The following MITF variants were observed in gnomAD, a reference collection of about 807,000 sequenced individuals.
The protein encoded by MITF is melanocyte inducing transcription factor, also known as microphthalmia-associated transcription factor.
In MITF, 17 loss-of-function variants were observed where a neutral mutation model predicts 60.5. The observed-to-expected ratio is 0.28, with a 90% confidence interval of 0.19 to 0.42. MITF has a LOEUF of 0.42. Among genes scored for constraint, MITF ranks in the 10% least tolerant of loss-of-function variants. MITF has a pLI of 1.00. For missense variants in MITF, 622 were observed against 683.5 expected, an observed-to-expected ratio of 0.91 and a Z score of 1.00; for synonymous variants, 260 against 248.5, an observed-to-expected ratio of 1.05 and a Z score of -0.43.
chr3:69,815,078 G>T (rs1412491853), intron 1 of MITF, among the ~76,000 whole-genome samples: 1 of 152,122 alleles, frequency 6.6e-6, no homozygotes, highest in Non-Finnish European at 1.5e-5. Flanking sequence ...GTGGGGCCCA[G>T]GGCCTCAGGC....
intron 1 of MITF, among the ~76,000 whole-genome samples, chr3:69,814,039 T>G (rs2063142326): frequency 6.6e-6 from 1 of 152,042 alleles, no homozygotes; most frequent in African/African-American, 2.4e-5. Flanking sequence ...TCATGGGAAC[T>G]AGGGAAAACA....
intron 9 of MITF, among the ~76,000 whole-genome samples, chr3:69,961,355 C>G (rs2066540419): frequency 6.7e-6 from 1 of 149,932 alleles, no homozygotes. Flanking sequence ...GCATTCCAGC[C>G]TAGGCGACAG....
intron 1 of MITF, among the ~76,000 whole-genome samples, chr3:69,828,648 T>A (rs1186626465): frequency 6.6e-6 from 1 of 152,094 alleles, no homozygotes; most frequent in African/African-American, 2.4e-5. Context: ...GGTATTTTGA[T>A]ATATAAAATG....
chr3:69,823,369 C>A (rs1005719474), intron 1 of MITF, among the ~76,000 whole-genome samples: 1 of 152,136 alleles, frequency 6.6e-6, no homozygotes, highest in Non-Finnish European at 1.5e-5. Flanking sequence ...AAGTTCAGAT[C>A]AAGGTGCTGG....
intron 1 of MITF, among the ~76,000 whole-genome samples, chr3:69,868,710 C>T (rs2064163544): frequency 6.6e-6 from 1 of 151,960 alleles, no homozygotes; most frequent in East Asian, 1.9e-4. Flanking sequence ...ACCAGCCTGG[C>T]CAACATGATG....
At chr3:69,886,264 C>T (rs2064615136) in intron 2 of MITF, among the ~76,000 whole-genome samples, 1 of 152,134 alleles carries the variant, frequency 6.6e-6, no homozygotes, top group Non-Finnish European at 1.5e-5. Flanking sequence ...GAACGTGACA[C>T]TACCTGAAGC....
At chr3:69,953,168 C>G (rs565157838) in intron 7 of MITF, among the ~76,000 whole-genome samples, 1 of 152,262 alleles carries the variant, frequency 6.6e-6, no homozygotes, top group African/African-American at 2.4e-5. Flanking sequence ...AAGAGATAAA[C>G]TATTATCTCC....
intron 1 of MITF, among the ~76,000 whole-genome samples, chr3:69,741,363 C>T (rs972223843): frequency 1.3e-5 from 2 of 152,060 alleles, no homozygotes; most frequent in African/African-American, 4.8e-5. Context: ...TGTGTGGAAT[C>T]CTGAAAGAAA....
chr3:69,853,315 T>C (rs934571075), intron 1 of MITF, among the ~76,000 whole-genome samples: 2 of 152,162 alleles, frequency 1.3e-5, no homozygotes, highest in East Asian at 3.8e-4. Flanking sequence ...CTGACCCTGG[T>C]GGTACCTTAG....
At chr3:69,884,239 G>A (rs1328450248) in intron 2 of MITF, among the ~76,000 whole-genome samples, 4 of 152,132 alleles carry the variant, frequency 2.6e-5, no homozygotes, top group Admixed American at 6.6e-5. Flanking sequence ...TGGAAGGAAC[G>A]ACTGTTAACA....
chr3:69,789,819 G>A (rs1485982490), intron 1 of MITF, among the ~76,000 whole-genome samples: 2 of 152,140 alleles, frequency 1.3e-5, no homozygotes, highest in Non-Finnish European at 2.9e-5. Context: ...TCGCACCACT[G>A]CACTGCAGCC....
chr3:69,759,354 C>T (rs1413760145), intron 1 of MITF, among the ~76,000 whole-genome samples: 1 of 152,152 alleles, frequency 6.6e-6, no homozygotes, highest in African/African-American at 2.4e-5. Context: ...AACAAAAACA[C>T]ACAAAAGTGC....
At chr3:69,760,780 GTT>G (rs2062200321) in intron 1 of MITF, among the ~76,000 whole-genome samples, 1 of 152,146 alleles carries the variant, frequency 6.6e-6, no homozygotes, top group South Asian at 2.1e-4. Context: ...GGTGTAGGCA[GTT>G]TTTGAGGTAA....
intron 3 of MITF, 66 bp downstream of exon 3, chr3:69,938,115 C>A: frequency 6.6e-7 from 1 of 1,506,910 alleles, no homozygotes; most frequent in Non-Finnish European, 9.2e-7. Context: ...GAATATGATT[C>A]CCACACTTAA....
chr3:69,939,672 T>A (rs954298973), intron 4 of MITF, among the ~76,000 whole-genome samples: 1 of 152,144 alleles, frequency 6.6e-6, no homozygotes, highest in Admixed American at 6.5e-5. Context: ...GATATATAAA[T>A]TATGCTATAT....
chr3:69,903,202 T>C (rs2065030275), intron 2 of MITF, among the ~76,000 whole-genome samples: 1 of 152,216 alleles, frequency 6.6e-6, no homozygotes, highest in African/African-American at 2.4e-5. Context: ...TAGCTAATCT[T>C]TGGACTGCTC....
At chr3:69,903,073 A>G (rs75015567) in intron 2 of MITF, among the ~76,000 whole-genome samples, 43 of 152,266 alleles carry the variant, frequency 2.8e-4, no homozygotes, top group African/African-American at 1.0e-3. Context: ...ACCACAATCT[A>G]TGGGTTTTAT....
intron 1 of MITF, among the ~76,000 whole-genome samples, chr3:69,828,927 A>G (rs539976963): frequency 7.4e-6 from 1 of 135,178 alleles, no homozygotes; most frequent in South Asian, 2.2e-4. Context: ...TCTGAATTGA[A>G]TACTGGAATA....
intron 1 of MITF, among the ~76,000 whole-genome samples, chr3:69,873,822 G>A (rs533030637): frequency 7.9e-5 from 12 of 152,158 alleles, no homozygotes; most frequent in Admixed American, 3.3e-4. Flanking sequence ...TCCAAACATC[G>A]GAATCAGTCA....
Sources: allele counts gnomAD v4.1 joint callset (sites outside exome capture counted in the v4.1 genomes callset), GRCh38; gene constraint gnomAD v4.1.1; transcripts MANE v1.5; gene names NCBI Gene and HGNC (gene_info 2026-07-23, HGNC 2026-07-21).